RDX: variants seen among roughly 807,000 people sequenced by gnomAD.
RDX encodes the protein radixin, also known as deafness, autosomal recessive 24.
Under a neutral mutation model 83.7 loss-of-function variants are expected in RDX, and 32 were observed. The observed-to-expected ratio is 0.38, with a 90% CI of 0.29 to 0.51. The LOEUF is 0.51. RDX is among the 20% of genes least tolerant of loss of function. The pLI, the probability that RDX is intolerant of heterozygous loss-of-function variation, is 0.87. For synonymous variants in RDX, 229 were observed against 222.7 expected, an observed-to-expected ratio of 1.03 and a Z score of -0.25; for missense variants, 600 against 689.9, an observed-to-expected ratio of 0.87 and a Z score of 1.46.
At position 110,254,067 on chromosome 11, in the gene RDX, T is replaced by C. The variant is rs1174111572; in HGVS notation, c.838A>G (p.Ile280Val). Reference sequence around the variant, plus strand: ...TGGTTTCCCATACATAAGGCCAAAATCCGCTTATTGATTCTCAGACGAGGT... The same window carrying C: ...TGGTTTCCCATACATAAGGCCAAAACCCGCTTATTGATTCTCAGACGAGGT... The part of the protein sequence containing the change: ...YAPRLRINKR[I>V]LALCMGNHEL... Residue 280 changes from isoleucine to valine, a missense_variant, in exon 9 of 14, where the codon ATT becomes GTT. Physicochemically the swap from Ile to Val is conservative, Grantham distance 29. Coordinates refer to ENST00000645495, the MANE Select transcript of RDX (RefSeq NM_002906.4). The C allele has an allele frequency of 6.2e-7, 1 of 1,613,688 alleles. No individual in the cohort carries two copies. Among genetic ancestry groups the C allele is most frequent in the Non-Finnish European group, 8.5e-7 (1 of 1,179,792 alleles).
intron 14 of RDX, among the ~76,000 whole-genome samples, chr11:110,211,177 G>T (rs2134256124): frequency 2.0e-5 from 3 of 152,160 alleles, no homozygotes; most frequent in Middle Eastern, 6.8e-3. Flanking sequence ...AAAAAGGCAG[G>T]GGTTGCAATC....
Position 110,274,202 on chromosome 11 carries a change from G to T in RDX, c.13-1583C>A, listed in dbSNP as rs145165948. Among the ~76,000 whole-genome samples the T allele has an allele frequency of 4.7e-3, 709 of 152,036 alleles. 6 individuals carry two copies. Among genetic ancestry groups the T allele is most frequent in the African/African-American group, 0.016 (663 of 41,466 alleles). The stretch of plus-strand genomic sequence containing the variant: ...ACATCTATCATATATAAACAATGAA[G>T]AATAATAAAACGAAACCCATAAATC... On this transcript the variant is annotated intron_variant, in intron 2 of 13. Transcript: ENST00000645495.
chr11:110,254,038 T>C lies in RDX; in HGVS notation c.867A>G (p.Glu289=). The change falls in exon 9 of 14, where the codon GAA becomes GAG. Residue 289 remains glutamate (E), a synonymous_variant. Transcript: ENST00000645495. ...RILALCMGNH[E]LYMRRRKPDT... ...CAGGCTTCCTTCTTCGCATGTATAG[T>C]TCATGGTTTCCCATACATAAGGCCA... 1 of 1,613,664 alleles carries C rather than the reference T, an allele frequency of 6.2e-7. No homozygotes were observed. Among genetic ancestry groups the C allele is most frequent in the South Asian group, 1.1e-5 (1 of 91,070 alleles).
At chr11:110,197,512 A>G (rs1013209213) in intron 15 of RDX, among the ~76,000 whole-genome samples, 10 of 152,210 alleles carry the variant, frequency 6.6e-5, no homozygotes, top group African/African-American at 2.4e-4. Flanking sequence ...TCTTTCTGTC[A>G]TTTGATCTTG....
At chr11:110,200,449 T>C (rs1565287591) in intron 14 of RDX, 1 of 152,206 alleles carries the variant, frequency 6.6e-6, no homozygotes, top group Non-Finnish European at 1.5e-5. Context: ...GCCAAACGTA[T>C]CCATGAGTCA....
chr11:110,191,890 T>G (rs972424183), intron 15 of RDX, among the ~76,000 whole-genome samples: 1 of 151,920 alleles, frequency 6.6e-6, no homozygotes, highest in Non-Finnish European at 1.5e-5. Context: ...TCATAGATGA[T>G]CCAAACAAAG....
intron 2 of RDX, among the ~76,000 whole-genome samples, chr11:110,278,912 A>T (rs567946857): frequency 6.6e-6 from 1 of 152,236 alleles, no homozygotes; most frequent in East Asian, 1.9e-4. Context: ...TTTACACCTT[A>T]AGAATAAAGG....
At chr11:110,193,040 C>A (rs1863132341) in intron 15 of RDX, among the ~76,000 whole-genome samples, 2 of 152,216 alleles carry the variant, frequency 1.3e-5, no homozygotes, top group South Asian at 4.1e-4. Flanking sequence ...GAAAAGAAAT[C>A]ACTCTACCAG....
intron 13 of RDX, among the ~76,000 whole-genome samples, chr11:110,232,308 T>A (rs1864670287): frequency 6.6e-6 from 1 of 152,198 alleles, no homozygotes; most frequent in Non-Finnish European, 1.5e-5. Flanking sequence ...AAGTTCAATG[T>A]AGCCATTACA....
At chr11:110,259,511 G>A (rs1398449739) in intron 5 of RDX, among the ~76,000 whole-genome samples, 1 of 152,184 alleles carries the variant, frequency 6.6e-6, no homozygotes, top group African/African-American at 2.4e-5. Flanking sequence ...CCCTGGATAA[G>A]TTACCTACTA....
chr11:110,186,557 T>A (rs1467237843), intron 15 of RDX, among the ~76,000 whole-genome samples: 1 of 151,772 alleles, frequency 6.6e-6, no homozygotes, highest in Non-Finnish European at 1.5e-5. Flanking sequence ...TCCATCAGCA[T>A]AACAAAAGAC....
intron 14 of RDX, among the ~76,000 whole-genome samples, chr11:110,219,804 T>A (rs1204352348): frequency 6.6e-6 from 1 of 152,198 alleles, no homozygotes; most frequent in African/African-American, 2.4e-5. Context: ...AAACTGGAAA[T>A]GTTATGTAGA....
Position 110,229,947 on chromosome 11 carries a change from T to A in RDX, c.*1922A>T, listed in dbSNP as rs1284781881. On this transcript the variant is annotated 3_prime_UTR_variant, in exon 14 of 14. Transcript: ENST00000645495. The stretch of plus-strand genomic sequence containing the variant: ...TCCACCATCCATTCCTTTGATGTAC[T>A]GCAAGTAGGAATATTCTCTTCCATA... The A allele has an allele frequency of 6.6e-6, 1 of 152,552 alleles. No homozygotes were observed. The highest frequency in any genetic ancestry group is 1.5e-5 in the Non-Finnish European group (1 of 67,960). 9.4% of individuals were successfully genotyped at this position (152,552 alleles called of 1,614,324 possible). A position where few individuals can be genotyped will look rare whatever the true frequency, so the allele number is the denominator to read the frequency against.
chr11:110,233,539 C>G, intron 12 of RDX, 60 bp from the exon 13 acceptor site: 1 of 1,546,286 alleles, frequency 6.5e-7, no homozygotes, highest in Non-Finnish European at 8.9e-7. Flanking sequence ...TCAAAACAAT[C>G]AAGTTATACT....
chr11:110,184,898 G>A (rs1437675528), intron 15 of RDX, among the ~76,000 whole-genome samples: 1 of 152,220 alleles, frequency 6.6e-6, no homozygotes, highest in Non-Finnish European at 1.5e-5. Flanking sequence ...GTTTGAGACG[G>A]TGCTGACCTT....
intron 14 of RDX, among the ~76,000 whole-genome samples, chr11:110,200,048 G>A (rs1245972570): frequency 1.3e-5 from 2 of 152,126 alleles, no homozygotes; most frequent in African/African-American, 4.8e-5. Context: ...AGAACTTCAT[G>A]TCATTCAGTA....
At chr11:110,278,952 A>G (rs1187959380) in intron 2 of RDX, among the ~76,000 whole-genome samples, 2 of 152,162 alleles carry the variant, frequency 1.3e-5, no homozygotes, top group Non-Finnish European at 2.9e-5. Flanking sequence ...CCAAATAACT[A>G]TAAAACTAAG....
In RDX at chr11:110,279,066, T is replaced by C. The variant is rs561617008; in HGVS notation, c.12+615A>G. On this transcript the variant is annotated intron_variant, in intron 2 of 13. Transcript: ENST00000645495. ...AACTACAATTATGAGAAAACTAAAA[T>C]GCATAGATCTTCCTGACCTCTCATT... 2.9e-4 allele frequency among the ~76,000 whole-genome samples: 44 copies of C among 152,324 alleles called. 1 individual carries two copies. The South Asian group carries it at 8.3e-3, about 29-fold the overall frequency.
chr11:110,276,188 T>C (rs1406699073), intron 2 of RDX, among the ~76,000 whole-genome samples: 1 of 152,188 alleles, frequency 6.6e-6, no homozygotes, highest in East Asian at 1.9e-4. Flanking sequence ...TTTTTGCTTA[T>C]GATGTTAGAG....
Sources: gnomAD v4.1 joint callset for allele counts (sites outside exome capture counted in the v4.1 genomes callset) on GRCh38, gnomAD v4.1.1 for gene constraint, MANE v1.5 for transcripts, NCBI Gene and HGNC (gene_info 2026-07-23, HGNC 2026-07-21) for gene names.